MSH3: variants seen among roughly 807,000 people sequenced by gnomAD.
MSH3 encodes DNA mismatch repair protein Msh3.
MSH3 carries 106 observed loss-of-function variants against 123.3 expected under a neutral mutation model. The ratio of observed to expected loss-of-function variants is 0.86; its 90% CI spans 0.73 to 1.01. The LOEUF (loss-of-function observed/expected upper bound fraction) is 1.01. Among genes scored for constraint, MSH3 ranks in the 50% least tolerant of loss-of-function variants. The pLI is 0.00. For missense variants in MSH3, 1,459 were observed against 1,347.6 expected (o/e 1.08, Z -1.29); for synonymous variants, 515 against 481.4 (o/e 1.07, Z -0.91).
intron 20 of MSH3, among the ~76,000 whole-genome samples, chr5:80,822,075 T>C (rs998024546): frequency 5.1e-4 from 77 of 152,200 alleles, no homozygotes; most frequent in African/African-American, 1.8e-3. Context: ...ATTAATTACC[T>C]GCAAAATGTG....
intron 20 of MSH3, among the ~76,000 whole-genome samples, chr5:80,848,210 A>G (rs1037190140): frequency 3.3e-5 from 5 of 152,258 alleles, no homozygotes; most frequent in African/African-American, 1.2e-4. Context: ...AGCCTGGGCG[A>G]CAGAGTTAGA....
At chr5:80,867,553 C>G (rs1746127484) in intron 22 of MSH3, among the ~76,000 whole-genome samples, 1 of 152,142 alleles carries the variant, frequency 6.6e-6, no homozygotes, top group Non-Finnish European at 1.5e-5. Context: ...TTTGAAGACC[C>G]AGTCCCCTGA....
chr5:80,833,197 AT>A (rs887097724), intron 20 of MSH3, among the ~76,000 whole-genome samples: 141 of 150,302 alleles, frequency 9.4e-4, no homozygotes, highest in African/African-American at 3.4e-3. Flanking sequence ...TATCAGAGTG[AT>A]TTTTTTTTTC....
chr5:80,767,841 C>T (rs1056045138), intron 13 of MSH3, 92 bp from the exon 14 acceptor site: 3 of 979,716 alleles, frequency 3.1e-6, no homozygotes, highest in South Asian at 1.5e-5. Flanking sequence ...TTTAAACTTT[C>T]CTCAATTCTG....
At chr5:80,808,676 A>G (rs979953998) in intron 19 of MSH3, among the ~76,000 whole-genome samples, 1 of 151,896 alleles carries the variant, frequency 6.6e-6, no homozygotes, top group African/African-American at 2.4e-5. Context: ...CAAATAAACT[A>G]AAAACTTCAT....
chr5:80,717,003 T>A (rs1035224006), intron 8 of MSH3, among the ~76,000 whole-genome samples: 8 of 152,308 alleles, frequency 5.3e-5, no homozygotes, highest in African/African-American at 1.7e-4. Context: ...CATAATGACC[T>A]CAGTTCCATC....
At chr5:80,767,404 C>A (rs1415435531) in intron 13 of MSH3, among the ~76,000 whole-genome samples, 2 of 152,010 alleles carry the variant, frequency 1.3e-5, no homozygotes, top group Non-Finnish European at 2.9e-5. Context: ...AAATCTTTGG[C>A]GTTCCGATAA....
intron 20 of MSH3, among the ~76,000 whole-genome samples, chr5:80,828,504 T>C (rs576398679): frequency 1.6e-4 from 25 of 152,218 alleles, no homozygotes; most frequent in Non-Finnish European, 3.7e-4. Flanking sequence ...AAATTCTATG[T>C]CCTTCTCATA....
At chr5:80,808,873 A>ATATATATATATATATATATATG (rs754318556) in intron 19 of MSH3, among the ~76,000 whole-genome samples, 91 of 137,026 alleles carry the variant, frequency 6.6e-4, no homozygotes, top group South Asian at 1.6e-3. Flanking sequence ...ATATATATAT[A>ATATATATATATATATATATATG]TATATATATA....
chr5:80,810,174 T>TAC (rs1255870577), intron 19 of MSH3, among the ~76,000 whole-genome samples: 3 of 121,038 alleles, frequency 2.5e-5, no homozygotes, highest in Non-Finnish European at 3.6e-5. Flanking sequence ...TTGACATACA[T>TAC]ATATATATAT....
intron 8 of MSH3, among the ~76,000 whole-genome samples, chr5:80,721,427 T>C (rs1445498614): frequency 1.3e-5 from 2 of 152,228 alleles, no homozygotes; most frequent in Non-Finnish European, 2.9e-5. Flanking sequence ...GTAGTCACTA[T>C]TATCAAATAT....
chr5:80,811,032 TAA>T (rs76282266), intron 19 of MSH3, among the ~76,000 whole-genome samples: 2 of 150,474 alleles, frequency 1.3e-5, no homozygotes, highest in South Asian at 4.2e-4. Context: ...TATTTCAAGA[TAA>T]AAAAAAAATT....
chr5:80,785,252 C>T (rs6151828), intron 17 of MSH3, among the ~76,000 whole-genome samples: 2 of 152,128 alleles, frequency 1.3e-5, no homozygotes, highest in South Asian at 2.1e-4. Context: ...TTTAAAAGGT[C>T]GTACAGAATA....
intron 12 of MSH3, 137 bp from the exon 13 acceptor site, chr5:80,761,409 G>T: frequency 9.6e-7 from 1 of 1,039,834 alleles, no homozygotes. Flanking sequence ...CTTCCCACAT[G>T]ACTATCTCAG....
At chr5:80,740,328 G>C (rs1161367846) in intron 10 of MSH3, among the ~76,000 whole-genome samples, 1 of 151,680 alleles carries the variant, frequency 6.6e-6, no homozygotes, top group Admixed American at 6.6e-5. Flanking sequence ...CACTAAATTT[G>C]GCCATGGTAA....
chr5:80,692,719 TATAG>T (rs1561445385), intron 8 of MSH3, among the ~76,000 whole-genome samples: 2 of 132,230 alleles, frequency 1.5e-5, no homozygotes, highest in African/African-American at 2.8e-5. Flanking sequence ...TATATGTTTA[TATAG>T]ATAAATATAC....
intron 20 of MSH3, among the ~76,000 whole-genome samples, chr5:80,831,376 T>C (rs1447384341): frequency 1.3e-5 from 2 of 152,236 alleles, no homozygotes; most frequent in African/African-American, 2.4e-5. Flanking sequence ...CATTGTTGTT[T>C]AGGTAGATGG....
Position 80,672,506 on chromosome 5 carries a change from A to G in MSH3, c.909+146A>G. ...CTGAAAGTGTTTCATAATTATTAGTATTATGTATTTATGAGTTTTTAACAT... is the reference window on the plus strand; with the variant it reads ...CTGAAAGTGTTTCATAATTATTAGTGTTATGTATTTATGAGTTTTTAACAT... On this transcript the variant is annotated intron_variant, in intron 5 of 23. Transcript: ENST00000265081. The G allele has an allele frequency of 9.8e-6, 7 of 716,220 alleles. No individual in the cohort carries two copies. In the South Asian group the frequency reaches 1.2e-4, roughly 12 times the overall value. The allele number at this position is 716,220 out of a possible 1,614,324, so 44.4% of individuals were successfully genotyped here. A position where few individuals can be genotyped will look rare whatever the true frequency, so the allele number is the denominator to read the frequency against.
At chr5:80,762,133 T>TA (rs1227864769) in intron 13 of MSH3, among the ~76,000 whole-genome samples, 2 of 151,992 alleles carry the variant, frequency 1.3e-5, no homozygotes, top group Non-Finnish European at 2.9e-5. Context: ...TGAAGGTGAG[T>TA]AAAGGATTAT....
Sources: gnomAD v4.1 joint callset for allele counts (sites outside exome capture counted in the v4.1 genomes callset) on GRCh38, gnomAD v4.1.1 for gene constraint, MANE v1.5 for transcripts, NCBI Gene and HGNC (gene_info 2026-07-23, HGNC 2026-07-21) for gene names.